The following SDK1 variants were observed in gnomAD, a reference collection of about 807,000 sequenced individuals.
The protein encoded by SDK1 is protein sidekick-1.
SDK1 carries 157 observed loss-of-function variants against 245.5 expected under a neutral mutation model. The ratio of observed to expected loss-of-function variants is 0.64; its 90% CI spans 0.56 to 0.73. SDK1 has a LOEUF of 0.73. Among genes scored for constraint, SDK1 ranks in the 30% least tolerant of loss-of-function variants. SDK1 has a pLI of 0.00. For synonymous variants in SDK1, 1,647 were observed against 1,278.5 expected, an observed-to-expected ratio of 1.29 and a Z score of -6.15; for missense variants, 3,583 against 3,002.3, an observed-to-expected ratio of 1.19 and a Z score of -4.52.
Position 3,779,452 on chromosome 7 carries a change from T to TTC in SDK1, c.714-41997_714-41996insCT, listed in dbSNP as rs1438422122. On this transcript the variant is annotated intron_variant, in intron 4 of 44. Coordinates refer to ENST00000404826, the MANE Select transcript of SDK1 (RefSeq NM_152744.4). ...GTGGTGTGGCAAAGCCAGTAACCTA[T>TTC]TTTTTTTAAAAAAAAAAAACAAGGA... Among the ~76,000 whole-genome samples the TTC allele has an allele frequency of 6.8e-4, 103 of 150,522 alleles. 1 individual carries two copies. Among genetic ancestry groups the TTC allele is most frequent in the African/African-American group, 2.4e-3 (99 of 40,526 alleles).
chr7:3,429,382 A>G (rs1779766732), intron 1 of SDK1, among the ~76,000 whole-genome samples: 1 of 152,172 alleles, frequency 6.6e-6, no homozygotes, highest in African/African-American at 2.4e-5. Context: ...CTAGTAAGTA[A>G]TAGAGTTGGG....
At chr7:3,606,849 A>T (rs2128640687) in intron 1 of SDK1, among the ~76,000 whole-genome samples, 1 of 152,286 alleles carries the variant, frequency 6.6e-6, no homozygotes, top group South Asian at 2.1e-4. Flanking sequence ...TTCCTGAAAA[A>T]AAAAATCTGT....
At chr7:4,033,283 C>A (rs1787965482) in intron 17 of SDK1, among the ~76,000 whole-genome samples, 1 of 152,108 alleles carries the variant, frequency 6.6e-6, no homozygotes, top group African/African-American at 2.4e-5. Flanking sequence ...TGTATCCATT[C>A]CCTACCCCCA....
rs114226882 is a variant in SDK1 at position 3,867,310 on chromosome 7, G to T, written c.847+45727G>T. The stretch of plus-strand genomic sequence containing the variant: ...GAAAGCATGTTTTTCTCAAGCATGT[G>T]AAGAAACTAGAATTTGATTATTTTG... On this transcript the variant is annotated intron_variant, in intron 5 of 44. Transcript: ENST00000404826. Among the ~76,000 whole-genome samples the T allele has an allele frequency of 4.5e-3, 678 of 152,286 alleles. 7 individuals carry two copies. Among genetic ancestry groups the T allele is most frequent in the African/African-American group, 0.015 (638 of 41,560 alleles).
intron 13 of SDK1, among the ~76,000 whole-genome samples, chr7:3,979,591 G>A (rs1783236622): frequency 6.6e-6 from 1 of 152,108 alleles, no homozygotes; most frequent in Non-Finnish European, 1.5e-5. Flanking sequence ...ATTTAGGAGG[G>A]CTCTGCCTTC....
rs556560167 is a variant in SDK1 at position 3,654,000 on chromosome 7, G to C, written c.713+11895G>C. 2.6e-5 allele frequency among the ~76,000 whole-genome samples: 4 copies of C among 152,252 alleles called. 1 individual carries two copies. The highest frequency in any genetic ancestry group is 7.2e-5 in the African/African-American group (3 of 41,546). On this transcript the variant is annotated intron_variant, in intron 4 of 44. Coordinates refer to ENST00000404826, the MANE Select transcript of SDK1 (RefSeq NM_152744.4). ...ATGCTATATGCCGCCCCTCAAAAAA[G>C]GTATGCAGGGGTGTTCAGGTAAAAA... is the stretch of plus-strand genomic sequence containing the variant.
chr7:4,163,900 T>C (rs1781331074), intron 32 of SDK1, among the ~76,000 whole-genome samples: 1 of 152,210 alleles, frequency 6.6e-6, no homozygotes, highest in African/African-American at 2.4e-5. Flanking sequence ...CAACCTGATA[T>C]CACTTGCTAC....
At chr7:3,652,707 T>A (rs1201606585) in intron 4 of SDK1, among the ~76,000 whole-genome samples, 1 of 152,086 alleles carries the variant, frequency 6.6e-6, no homozygotes, top group Non-Finnish European at 1.5e-5. Flanking sequence ...CAGTTGCAGT[T>A]TGTGGTGATG....
chr7:3,902,424 A>G (rs1236736668), intron 5 of SDK1, among the ~76,000 whole-genome samples: 1 of 152,214 alleles, frequency 6.6e-6, no homozygotes, highest in Non-Finnish European at 1.5e-5. Flanking sequence ...ACTGCTCACT[A>G]CAAATTCAGT....
At chr7:3,650,333 G>C (rs1035533439) in intron 4 of SDK1, among the ~76,000 whole-genome samples, 6 of 152,094 alleles carry the variant, frequency 3.9e-5, no homozygotes, top group Admixed American at 3.3e-4. Context: ...GTGAAACTCT[G>C]TACCCGTTAA....
chr7:4,190,493 A>G (rs1003381829), intron 35 of SDK1, among the ~76,000 whole-genome samples: 14 of 152,156 alleles, frequency 9.2e-5, no homozygotes, highest in Non-Finnish European at 4.4e-5. Flanking sequence ...GCGCTATCCC[A>G]CCCTCTGGGC....
chr7:3,744,266 C>G (rs990187260), intron 4 of SDK1, among the ~76,000 whole-genome samples: 3 of 152,004 alleles, frequency 2.0e-5, no homozygotes, highest in Non-Finnish European at 4.4e-5. Flanking sequence ...TACTGCCGAA[C>G]CCCTTACGAT....
chr7:3,414,894 GC>G (rs1458364740), intron 1 of SDK1, among the ~76,000 whole-genome samples: 2 of 152,154 alleles, frequency 1.3e-5, no homozygotes, highest in Non-Finnish European at 2.9e-5. Context: ...CCATGTTGTA[GC>G]ATGTGTCAGA....
At chr7:3,622,563 T>C (rs1781975240) in intron 2 of SDK1, among the ~76,000 whole-genome samples, 1 of 152,200 alleles carries the variant, frequency 6.6e-6, no homozygotes, top group Non-Finnish European at 1.5e-5. Flanking sequence ...TATGCAACCT[T>C]TCAGAATTAT....
At chr7:3,620,191 G>A (rs1039639161) in intron 2 of SDK1, among the ~76,000 whole-genome samples, 2 of 151,924 alleles carry the variant, frequency 1.3e-5, no homozygotes, top group South Asian at 2.1e-4. Context: ...GTTGTGATAC[G>A]GTGGTCCGTG....
rs1241188403 is a variant in SDK1, at chr7:4,265,249, G to A, written c.6507G>A (p.Arg2169=). 3.7e-6 allele frequency: 6 copies of A among 1,604,170 alleles called. No individual in the cohort carries two copies. The African/African-American group carries it at 5.3e-5, about 14-fold the overall frequency. The part of the protein sequence containing the change: ...RAQGRAPAPH[R]YEAVAGSEAG... ...AGGGCCGCGCACCTGCGCCGCACAGGTACGAGGCGGTGGCGGGCTCCGAGG... is the reference window on the plus strand; with the variant it reads ...AGGGCCGCGCACCTGCGCCGCACAGATACGAGGCGGTGGCGGGCTCCGAGG... Residue 2169 remains arginine, a synonymous_variant, in exon 45 of 45, where the codon AGG becomes AGA. Transcript: ENST00000404826.
At chr7:3,584,591 A>G (rs1780619855) in intron 1 of SDK1, among the ~76,000 whole-genome samples, 1 of 152,102 alleles carries the variant, frequency 6.6e-6, no homozygotes, top group Admixed American at 6.5e-5. Context: ...TTGTTGTTCC[A>G]CGGACTGCTC....
intron 14 of SDK1, among the ~76,000 whole-genome samples, chr7:4,005,911 G>T (rs907944295): frequency 6.6e-6 from 1 of 151,970 alleles, no homozygotes; most frequent in Non-Finnish European, 1.5e-5. Context: ...CACACCTGTG[G>T]TCCCAGCCTG....
chr7:3,386,495 G>T lies in SDK1; in HGVS notation c.298+84611G>T, dbSNP rs893051704. On this transcript the variant is annotated intron_variant, in intron 1 of 44. Transcript: ENST00000404826. ...TTAGAGTTAACAGAGCTGTCTAGAAGTAATTTCTAGTTTCTCCTAGGCTAC... is the reference window on the plus strand; with the variant it reads ...TTAGAGTTAACAGAGCTGTCTAGAATTAATTTCTAGTTTCTCCTAGGCTAC... Among the ~76,000 whole-genome samples the T allele has an allele frequency of 1.3e-5, 2 of 152,174 alleles. 1 individual carries two copies. The highest frequency in any genetic ancestry group is 4.8e-5 in the African/African-American group (2 of 41,436).
Sources: gnomAD v4.1 joint callset for allele counts (sites outside exome capture counted in the v4.1 genomes callset) on GRCh38, gnomAD v4.1.1 for gene constraint, MANE v1.5 for transcripts, NCBI Gene and HGNC (gene_info 2026-07-23, HGNC 2026-07-21) for gene names.